The following OPCML variants were observed in gnomAD, a reference collection of about 807,000 sequenced individuals.
OPCML encodes opioid-binding protein/cell adhesion molecule.
Under a neutral mutation model 37.8 loss-of-function variants are expected in OPCML, and 13 were observed. The ratio of observed to expected loss-of-function variants is 0.34; its 90% CI spans 0.22 to 0.55. The LOEUF is 0.55. Among genes scored for constraint, OPCML ranks in the 20% least tolerant of loss-of-function variants. The pLI is 0.91. For synonymous variants in OPCML, 176 were observed against 168.8 expected (o/e 1.04, Z -0.33); for missense variants, 341 against 435.6 (o/e 0.78, Z 1.93).
intron 4 of OPCML, among the ~76,000 whole-genome samples, chr11:132,444,474 A>G (rs1565567748): frequency 5.9e-5 from 9 of 152,290 alleles, no homozygotes; most frequent in Admixed American, 3.9e-4. Context: ...TGGCTCATAT[A>G]ACCTGAGTCT....
intron 2 of OPCML, among the ~76,000 whole-genome samples, chr11:132,874,265 A>C (rs1249625524): frequency 6.6e-6 from 1 of 152,212 alleles, no homozygotes; most frequent in Non-Finnish European, 1.5e-5. Context: ...CTCAGTTGAT[A>C]GAAAATCTAT....
At chr11:133,166,691 C>G (rs1019965442) in intron 1 of OPCML, among the ~76,000 whole-genome samples, 1 of 152,186 alleles carries the variant, frequency 6.6e-6, no homozygotes, top group Non-Finnish European at 1.5e-5. Flanking sequence ...CTCATCAGAC[C>G]TCCTTCTCCC....
intron 1 of OPCML, among the ~76,000 whole-genome samples, chr11:133,334,924 T>C (rs1943709727): frequency 6.6e-6 from 1 of 152,196 alleles, no homozygotes; most frequent in Non-Finnish European, 1.5e-5. Flanking sequence ...CTGTCTCTGC[T>C]CTTACCTACT....
intron 1 of OPCML, among the ~76,000 whole-genome samples, chr11:133,103,463 A>G (rs112629121): frequency 0.026 from 3,984 of 152,308 alleles, 127 homozygotes; most frequent in African/African-American, 0.08. Context: ...GAGTTGCAGC[A>G]GAGTTAGTGA....
chr11:133,471,218 C>T (rs1179511317), intron 1 of OPCML, among the ~76,000 whole-genome samples: 1 of 152,124 alleles, frequency 6.6e-6, no homozygotes, highest in Admixed American at 6.5e-5. Context: ...GGATGGCTTC[C>T]TAAGAGAAGT....
Position 133,007,303 on chromosome 11 carries a change from C to T in OPCML, c.62-64293G>A, listed in dbSNP as rs566587256. The stretch of plus-strand genomic sequence containing the variant: ...TTTATGCTGTTGCAGGATACAGCTC[C>T]ATCTATAAATGACCTCAGCAGAACT... On this transcript the variant is annotated intron_variant, in intron 1 of 7. Transcript: ENST00000524381. 3 of 985,408 alleles carry T rather than the reference C, an allele frequency of 3.0e-6. No individual in the cohort carries two copies. The East Asian group carries it at 3.4e-4, about 112-fold the overall frequency. The allele number at this position is 985,408 out of a possible 1,614,324, so 61.0% of individuals were successfully genotyped here.
chr11:132,605,651 G>A (rs979516626), intron 3 of OPCML, among the ~76,000 whole-genome samples: 4 of 152,156 alleles, frequency 2.6e-5, no homozygotes, highest in African/African-American at 9.7e-5. Flanking sequence ...CCCCGGCCCT[G>A]AGCCCCAGCT....
At chr11:132,738,926 C>G (rs973030091) in intron 2 of OPCML, among the ~76,000 whole-genome samples, 1 of 152,088 alleles carries the variant, frequency 6.6e-6, no homozygotes, top group Non-Finnish European at 1.5e-5. Flanking sequence ...CCAAAATATG[C>G]CACGTGGCAT....
intron 3 of OPCML, among the ~76,000 whole-genome samples, chr11:132,620,959 T>C (rs1939365713): frequency 6.6e-6 from 1 of 152,208 alleles, no homozygotes; most frequent in South Asian, 2.1e-4. Flanking sequence ...TGCAAGGTCA[T>C]GCCAGCTACA....
intron 3 of OPCML, among the ~76,000 whole-genome samples, chr11:132,570,961 G>A (rs1410576477): frequency 6.6e-6 from 1 of 151,198 alleles, no homozygotes; most frequent in Non-Finnish European, 1.5e-5. Context: ...TGTCTGTGAG[G>A]GTGTTGCCAG....
In OPCML at chr11:133,174,902, G is replaced by C. The variant is rs1354598868; in HGVS notation, c.62-231892C>G. 6.6e-6 allele frequency among the ~76,000 whole-genome samples: 1 copy of C among 152,142 alleles called. No homozygotes were observed. Among genetic ancestry groups the C allele is most frequent in the African/African-American group, 2.4e-5 (1 of 41,446 alleles). ...GGATCACTTGAGATCAGGAGTTTAA[G>C]TCCAGCCAGAGCAACAAAGTGAGAC... On this transcript the variant is annotated intron_variant, in intron 1 of 7. Transcript: ENST00000524381. This position sits in a 1 kb window ranked among gnomAD's most constrained non-coding sequence, Gnocchi z 4.6.
chr11:132,941,720 A>G (rs886297443), intron 2 of OPCML, among the ~76,000 whole-genome samples: 4 of 152,188 alleles, frequency 2.6e-5, no homozygotes, highest in African/African-American at 9.7e-5. Context: ...AACAGCACAC[A>G]GGATTCTGGG....
At chr11:133,312,742 T>C (rs536785264) in intron 1 of OPCML, among the ~76,000 whole-genome samples, 1 of 152,198 alleles carries the variant, frequency 6.6e-6, no homozygotes, top group East Asian at 1.9e-4. Context: ...TAGAGTTTTT[T>C]AAAAAGTTCA....
intron 1 of OPCML, among the ~76,000 whole-genome samples, chr11:133,185,901 A>C (rs982168209): frequency 1.3e-5 from 2 of 152,084 alleles, no homozygotes; most frequent in African/African-American, 4.8e-5. Flanking sequence ...TGGTATAATG[A>C]TTTTTCTTTA....
At chr11:133,091,454 T>C (rs1424637046) in intron 1 of OPCML, among the ~76,000 whole-genome samples, 1 of 152,188 alleles carries the variant, frequency 6.6e-6, no homozygotes, top group African/African-American at 2.4e-5. Flanking sequence ...TCTTCAATAA[T>C]GCAAACTGAA....
At chr11:132,766,171 A>G (rs1946438331) in intron 2 of OPCML, among the ~76,000 whole-genome samples, 1 of 152,288 alleles carries the variant, frequency 6.6e-6, no homozygotes, top group East Asian at 1.9e-4. Context: ...ACTAATAACT[A>G]TATAAGGAAT....
chr11:132,599,579 T>C (rs1257770066), intron 3 of OPCML, among the ~76,000 whole-genome samples: 1 of 152,166 alleles, frequency 6.6e-6, no homozygotes, highest in Non-Finnish European at 1.5e-5. Context: ...ATTTCTCATT[T>C]TCTGACAGGC....
intron 1 of OPCML, among the ~76,000 whole-genome samples, chr11:133,458,621 ACACGTGTGTGTGTATATACACATAGATG>A (rs1946769753): frequency 1.0e-5 from 1 of 96,860 alleles, no homozygotes; most frequent in Non-Finnish European, 1.8e-5. Context: ...ACACATATAT[ACACGTGTGTGTGTATATACACATAGATG>A]CACGTGTGTG....
intron 1 of OPCML, among the ~76,000 whole-genome samples, chr11:132,952,126 A>G (rs998065049): frequency 6.6e-6 from 1 of 152,188 alleles, no homozygotes; most frequent in Non-Finnish European, 1.5e-5. Flanking sequence ...TTTGATGCGT[A>G]TTTGTATGAC....
Sources: gnomAD v4.1 joint callset for allele counts (sites outside exome capture counted in the v4.1 genomes callset) on GRCh38, gnomAD v4.1.1 for gene constraint, Gnocchi (gnomAD v3.1) non-coding constraint, MANE v1.5 for transcripts, NCBI Gene and HGNC (gene_info 2026-07-23, HGNC 2026-07-21) for gene names.